EBF1: variants seen among roughly 807,000 people sequenced by gnomAD.
EBF1 encodes EBF transcription factor 1.
A neutral mutation model predicts 68.4 loss-of-function variants in EBF1; 10 were observed. The observed-to-expected ratio is 0.15, with a 90% confidence interval of 0.09 to 0.25. The LOEUF (loss-of-function observed/expected upper bound fraction) is 0.25. EBF1 is among the 10% of genes least tolerant of loss of function. EBF1 has a pLI of 1.00. For synonymous variants in EBF1, 298 were observed against 299.8 expected (o/e 0.99, Z 0.06); for missense variants, 509 against 794.4 (o/e 0.64, Z 4.32).
intron 6 of EBF1, among the ~76,000 whole-genome samples, chr5:159,066,148 CGAGT>C (rs1411343147): frequency 6.6e-6 from 1 of 151,992 alleles, no homozygotes; most frequent in Non-Finnish European, 1.5e-5. Context: ...AAAGGCCCAC[CGAGT>C]GAGAGGCTGC....
intron 9 of EBF1, among the ~76,000 whole-genome samples, chr5:158,794,439 A>T (rs1006256467): frequency 3.9e-5 from 6 of 152,202 alleles, no homozygotes; most frequent in African/African-American, 1.4e-4. Context: ...AAAGTGAGAA[A>T]AAATGGAGGG....
intron 5 of EBF1, among the ~76,000 whole-genome samples, chr5:159,083,670 A>G (rs1780116236): frequency 1.3e-5 from 2 of 152,200 alleles, no homozygotes; most frequent in African/African-American, 2.4e-5. Flanking sequence ...CAAGTCCACA[A>G]GCAGCAAATA....
chr5:158,780,393 G>A (rs1581818698), intron 9 of EBF1, among the ~76,000 whole-genome samples: 1 of 152,094 alleles, frequency 6.6e-6, no homozygotes, highest in East Asian at 1.9e-4. Flanking sequence ...CAGAAGGAGG[G>A]AGGGCTAGTC....
chr5:158,709,081 C>CCAGGTTTTG (rs1758562733), intron 14 of EBF1, among the ~76,000 whole-genome samples: 1 of 152,176 alleles, frequency 6.6e-6, no homozygotes, highest in Non-Finnish European at 1.5e-5. Context: ...GGTTAATAAT[C>CCAGGTTTTG]TCTCGGTTAC....
At chr5:158,984,129 T>A (rs1583664416) in intron 6 of EBF1, among the ~76,000 whole-genome samples, 1 of 152,160 alleles carries the variant, frequency 6.6e-6, no homozygotes, top group East Asian at 1.9e-4. Flanking sequence ...AAACACTTCT[T>A]AAAGTTTCCA....
intron 6 of EBF1, among the ~76,000 whole-genome samples, chr5:159,046,665 T>C (rs190684075): frequency 3.3e-5 from 5 of 152,312 alleles, no homozygotes; most frequent in Admixed American, 2.6e-4. Context: ...ATTCAGAGAC[T>C]AATAAGATGT....
intron 6 of EBF1, among the ~76,000 whole-genome samples, chr5:158,920,355 A>G (rs941663665): frequency 6.6e-6 from 1 of 152,210 alleles, no homozygotes; most frequent in African/African-American, 2.4e-5. Flanking sequence ...ACTTCCTATC[A>G]TATTGTTCTA....
At chr5:158,955,377 C>G (rs985944278) in intron 6 of EBF1, among the ~76,000 whole-genome samples, 3 of 151,936 alleles carry the variant, frequency 2.0e-5, no homozygotes, top group African/African-American at 7.2e-5. Context: ...ATATTAGAGG[C>G]CTCAGGACTT....
chr5:158,731,175 C>T lies in EBF1; in HGVS notation c.1037-18G>A, dbSNP rs751490606. ...GTTGAGCGCTGCAATAAAGAAGTCA[C>T]ACAATTAGTACATTTTCAAGAAATA... On this transcript the variant is annotated intron_variant, in intron 10 of 15. Transcript: ENST00000313708. 4 of 1,611,138 alleles carry T rather than the reference C, an allele frequency of 2.5e-6. No individual in the cohort carries two copies. The South Asian group carries it at 3.3e-5, about 13-fold the overall frequency.
At chr5:158,837,411 C>A (rs922971137) in intron 7 of EBF1, among the ~76,000 whole-genome samples, 3 of 152,174 alleles carry the variant, frequency 2.0e-5, no homozygotes, top group Admixed American at 6.5e-5. Flanking sequence ...TTATCACTTA[C>A]AAATTAGCTA....
intron 6 of EBF1, among the ~76,000 whole-genome samples, chr5:159,030,415 C>G (rs1189177511): frequency 6.6e-6 from 1 of 152,088 alleles, no homozygotes; most frequent in Non-Finnish European, 1.5e-5. Context: ...AAATACTCCA[C>G]AAATATTTGT....
Position 159,099,471 on chromosome 5 carries a change from C to T in EBF1, c.8G>A (p.Gly3Glu). Residue 3 changes from glycine (G) to glutamate (E), a missense_variant, in exon 1 of 16, where the codon GGG (glycine) becomes GAG (glutamate). Physicochemically the swap from Gly to Glu is moderately conservative, Grantham distance 98 (BLOSUM62 -2). Transcript: ENST00000313708. Reference sequence around the variant, plus strand: ...ACTCCGTTGGATGCTTTCCTGAATCCCAAACATGAAAACAACCTTTTCTTG... The same window carrying T: ...ACTCCGTTGGATGCTTTCCTGAATCTCAAACATGAAAACAACCTTTTCTTG... MF[G>E]IQESIQRSGS... 1 of 1,581,074 alleles carries T rather than the reference C, an allele frequency of 6.3e-7. No individual in the cohort carries two copies. Among genetic ancestry groups the T allele is most frequent in the Non-Finnish European group, 8.6e-7 (1 of 1,164,948 alleles).
At chr5:158,839,904 A>T (rs1789789437) in intron 7 of EBF1, 125 bp downstream of exon 7, 5 of 827,858 alleles carry the variant, frequency 6.0e-6, no homozygotes, top group Non-Finnish European at 1.0e-5. Context: ...TACCTGGGGG[A>T]CCAAGGGCCT....
intron 6 of EBF1, among the ~76,000 whole-genome samples, chr5:159,049,399 T>C (rs1238686435): frequency 6.6e-6 from 1 of 152,100 alleles, no homozygotes; most frequent in East Asian, 1.9e-4. Flanking sequence ...CTAGAAAAGA[T>C]ATCTCAGAGA....
Position 159,073,422 on chromosome 5 carries a change from A to C in EBF1, c.528T>G (p.Thr176=). 2 of 1,614,098 alleles carry C rather than the reference A, an allele frequency of 1.2e-6. No individual in the cohort carries two copies. The highest frequency in any genetic ancestry group is 1.7e-6 in the Non-Finnish European group (2 of 1,179,962). ...TGTCAATTATCACTGGATCTGAGGG[A>C]GTCTCATTTCGGTTGCCACAGCTTT... ...DKKSCGNRNE[T]PSDPVIIDRF... The change falls in exon 6 of 16, where the codon ACT becomes ACG. Residue 176 remains threonine, a synonymous_variant. Transcript: ENST00000313708.
intron 7 of EBF1, among the ~76,000 whole-genome samples, chr5:158,836,570 T>C (rs928031523): frequency 2.6e-5 from 4 of 152,182 alleles, no homozygotes; most frequent in Non-Finnish European, 4.4e-5. Flanking sequence ...TTAGAGAGAT[T>C]TGAGGTTTTG....
At chr5:158,877,612 T>C (rs1798043296) in intron 6 of EBF1, among the ~76,000 whole-genome samples, 1 of 152,198 alleles carries the variant, frequency 6.6e-6, no homozygotes, top group East Asian at 1.9e-4. Context: ...GACTAAATTA[T>C]TTCATTCCTG....
At chr5:158,953,624 A>G (rs1816482355) in intron 6 of EBF1, among the ~76,000 whole-genome samples, 1 of 152,186 alleles carries the variant, frequency 6.6e-6, no homozygotes, top group Non-Finnish European at 1.5e-5. Context: ...GAGGCAAATC[A>G]CAGTTTGGAA....
rs113645399 is a variant in EBF1, at chr5:158,860,673, G to C, written c.555-20563C>G. Among the ~76,000 whole-genome samples, 1,198 of 152,322 alleles carry C rather than the reference G, an allele frequency of 7.9e-3. 17 individuals carry two copies. Among genetic ancestry groups the C allele is most frequent in the African/African-American group, 0.027 (1,128 of 41,570 alleles). On this transcript the variant is annotated intron_variant, in intron 6 of 15. Coordinates refer to ENST00000313708, the MANE Select transcript of EBF1 (RefSeq NM_024007.5). ...CCAACGTGGTCAGCTTGAATTTTAA[G>C]AATTGTTGCTTAAGGTTTGGTAAGA...
Sources: gnomAD v4.1 joint callset for allele counts (sites outside exome capture counted in the v4.1 genomes callset) on GRCh38, gnomAD v4.1.1 for gene constraint, MANE v1.5 for transcripts, NCBI Gene and HGNC (gene_info 2026-07-23, HGNC 2026-07-21) for gene names.